CDH4: variants seen among roughly 807,000 people sequenced by gnomAD.
CDH4 encodes the protein cadherin-4.
A neutral mutation model predicts 86.0 loss-of-function variants in CDH4; 33 were observed. The observed-to-expected ratio is 0.38, with a 90% confidence interval of 0.29 to 0.51. CDH4 has a LOEUF of 0.51. CDH4 is among the 20% of genes least tolerant of loss of function. The probability of loss-of-function intolerance (pLI) is 0.86; values close to 1 mark genes in which losing one functional copy is unlikely to be tolerated. For synonymous variants in CDH4, 555 were observed against 549.4 expected, an observed-to-expected ratio of 1.01 and a Z score of -0.14; for missense variants, 1,114 against 1,307.4, an observed-to-expected ratio of 0.85 and a Z score of 2.28.
In CDH4 at chr20:61,633,973, A is replaced by G. The variant is rs569800147; in HGVS notation, c.170-109590A>G. On this transcript the variant is annotated intron_variant, in intron 2 of 15. Transcript: ENST00000614565. ...CCAGTTCAGATTTTAAAACACCACC[A>G]CCAATCCCAAATGAGTTTTCAAGGC... is the stretch of plus-strand genomic sequence containing the variant. Among the ~76,000 whole-genome samples the G allele has an allele frequency of 1.1e-4, 16 of 152,248 alleles. 1 individual carries two copies. Among genetic ancestry groups the G allele is most frequent in the Admixed American group, 9.2e-4 (14 of 15,298 alleles).
At chr20:61,286,861 C>T (rs942051052) in intron 2 of CDH4, among the ~76,000 whole-genome samples, 5 of 152,222 alleles carry the variant, frequency 3.3e-5, no homozygotes, top group African/African-American at 1.2e-4. Flanking sequence ...GTGTGACTGG[C>T]ATTTGCCTGA....
At chr20:61,428,379 A>G (rs2085226275) in intron 2 of CDH4, among the ~76,000 whole-genome samples, 1 of 152,154 alleles carries the variant, frequency 6.6e-6, no homozygotes, top group Non-Finnish European at 1.5e-5. Context: ...CAGAGATTCT[A>G]CTCGTGGATG....
In CDH4 at chr20:61,517,325, G is replaced by T. The variant is rs2085829041; in HGVS notation, c.170-226238G>T. ...CTCCCACCTCCTGTGGGGCTGTGTAGCTGGGGCCACAGGTGCACACCACCT... is the reference window on the plus strand; with the variant it reads ...CTCCCACCTCCTGTGGGGCTGTGTATCTGGGGCCACAGGTGCACACCACCT... On this transcript the variant is annotated intron_variant, in intron 2 of 15. Coordinates refer to ENST00000614565, the MANE Select transcript of CDH4 (RefSeq NM_001794.5). This position sits in a 1 kb window ranked among gnomAD's most constrained non-coding sequence, Gnocchi z 6.6. 6.6e-6 allele frequency among the ~76,000 whole-genome samples: 1 copy of T among 152,138 alleles called. No homozygotes were observed. The highest frequency in any genetic ancestry group is 6.5e-5 in the Admixed American group (1 of 15,284).
At chr20:61,561,891 A>G (rs1482409042) in intron 2 of CDH4, among the ~76,000 whole-genome samples, 2 of 152,258 alleles carry the variant, frequency 1.3e-5, no homozygotes, top group African/African-American at 2.4e-5. Flanking sequence ...CAGTGGCTGC[A>G]TGCGCCATGT....
intron 2 of CDH4, among the ~76,000 whole-genome samples, chr20:61,263,827 C>G (rs187715912): frequency 4.2e-4 from 64 of 152,212 alleles, no homozygotes; most frequent in South Asian, 6.2e-4. Context: ...CCCAGCTCCT[C>G]AGGGCTCCTG....
At position 61,709,891 on chromosome 20, in the gene CDH4, G is replaced by A. The variant is rs553028793; in HGVS notation, c.170-33672G>A. Among the ~76,000 whole-genome samples the A allele has an allele frequency of 2.4e-4, 36 of 152,174 alleles. No individual in the cohort carries two copies. The highest frequency in any genetic ancestry group is 5.1e-4 in the Non-Finnish European group (35 of 68,032). ...TTTTTCAGAATGTTGGAAAACAGATGATCACGTCTGTTTTTGTAGCCGTGT... is the reference window on the plus strand; with the variant it reads ...TTTTTCAGAATGTTGGAAAACAGATAATCACGTCTGTTTTTGTAGCCGTGT... On this transcript the variant is annotated intron_variant, in intron 2 of 15. Transcript: ENST00000614565. This position sits in a 1 kb window ranked among gnomAD's most constrained non-coding sequence, Gnocchi z 4.8.
chr20:61,854,187 A>G (rs1032104031), intron 6 of CDH4, among the ~76,000 whole-genome samples: 2 of 152,106 alleles, frequency 1.3e-5, no homozygotes, highest in Non-Finnish European at 2.9e-5. Context: ...TCTGCAGCAC[A>G]TGGAGCCCAG....
intron 5 of CDH4, among the ~76,000 whole-genome samples, chr20:61,847,586 C>T (rs566108109): frequency 7.2e-4 from 109 of 152,368 alleles, no homozygotes; most frequent in African/African-American, 1.6e-3. Flanking sequence ...TGTGCAAACA[C>T]GCTGTGTTAG....
At chr20:61,791,693 G>A (rs879899722) in intron 4 of CDH4, among the ~76,000 whole-genome samples, 36 of 152,214 alleles carry the variant, frequency 2.4e-4, no homozygotes, top group Non-Finnish European at 4.1e-4. Flanking sequence ...GGCAGGCTGG[G>A]ATGGGGAGCA....
intron 2 of CDH4, among the ~76,000 whole-genome samples, chr20:61,391,286 G>C (rs2145465928): frequency 6.6e-6 from 1 of 152,254 alleles, no homozygotes; most frequent in Admixed American, 6.5e-5. Flanking sequence ...TGTATTGAGG[G>C]GCCTGGAAGC....
chr20:61,678,925 G>T (rs1256234359), intron 2 of CDH4, among the ~76,000 whole-genome samples: 1 of 152,206 alleles, frequency 6.6e-6, no homozygotes, highest in Admixed American at 6.5e-5. Context: ...GTTCTAGGAG[G>T]ACATGAATTT....
At chr20:61,253,156 G>GCAC (rs2084074365) in intron 1 of CDH4, among the ~76,000 whole-genome samples, 1 of 151,350 alleles carries the variant, frequency 6.6e-6, no homozygotes, top group African/African-American at 2.4e-5. Context: ...GGACTGCGGG[G>GCAC]CACTCTCACC....
intron 2 of CDH4, among the ~76,000 whole-genome samples, chr20:61,691,125 G>A (rs2087648102): frequency 6.6e-6 from 1 of 151,622 alleles, no homozygotes; most frequent in Non-Finnish European, 1.5e-5. Context: ...CCCTCGGCCA[G>A]CAGGGACATG....
chr20:61,813,559 T>C (rs1446539976), intron 4 of CDH4, among the ~76,000 whole-genome samples: 1 of 152,100 alleles, frequency 6.6e-6, no homozygotes, highest in Non-Finnish European at 1.5e-5. Context: ...AAATGCTGTA[T>C]AAGCATCGCA....
intron 9 of CDH4, among the ~76,000 whole-genome samples, chr20:61,922,512 C>A (rs1017581277): frequency 1.3e-5 from 2 of 152,206 alleles, no homozygotes; most frequent in African/African-American, 4.8e-5. Context: ...TCCGGGGCTG[C>A]GGTTACAAGT....
intron 2 of CDH4, among the ~76,000 whole-genome samples, chr20:61,536,055 G>A (rs1209348983): frequency 1.3e-5 from 2 of 152,052 alleles, no homozygotes; most frequent in Non-Finnish European, 2.9e-5. Flanking sequence ...TGCCCCCGGA[G>A]CCCCACCAGA....
intron 2 of CDH4, among the ~76,000 whole-genome samples, chr20:61,655,583 C>G (rs2087178489): frequency 6.6e-6 from 1 of 152,246 alleles, no homozygotes; most frequent in African/African-American, 2.4e-5. Context: ...GAAGGGGAAG[C>G]AGAAGGCAGT....
At chr20:61,876,698 G>A (rs1489813323) in intron 7 of CDH4, among the ~76,000 whole-genome samples, 3 of 152,254 alleles carry the variant, frequency 2.0e-5, no homozygotes, top group African/African-American at 4.8e-5. Flanking sequence ...CACTGGTTTC[G>A]TGTCGGTCCG....
chr20:61,721,576 C>T (rs892375515), intron 2 of CDH4, among the ~76,000 whole-genome samples: 1 of 152,204 alleles, frequency 6.6e-6, no homozygotes, highest in Non-Finnish European at 1.5e-5. Flanking sequence ...AAAAACAATT[C>T]TTTATCAAGA....
Sources: allele counts gnomAD v4.1 joint callset (sites outside exome capture counted in the v4.1 genomes callset), GRCh38; gene constraint gnomAD v4.1.1; non-coding constraint Gnocchi (gnomAD v3.1); transcripts MANE v1.5; gene names NCBI Gene and HGNC (gene_info 2026-07-23, HGNC 2026-07-21).